Variants in DHRSX observed in about 807,000 individuals in gnomAD.
DHRSX encodes the protein dehydrogenase/reductase X-linked.
In DHRSX, 31 loss-of-function variants were observed where a neutral mutation model predicts 34.0. The observed-to-expected ratio is 0.91, with a 90% CI of 0.69 to 1.23. The LOEUF is 1.23. DHRSX is among the 50% of genes most tolerant of loss of function. DHRSX has a pLI of 0.00. For missense variants in DHRSX, 414 were observed against 428.1 expected, an observed-to-expected ratio of 0.97 and a Z score of 0.29; for synonymous variants, 201 against 183.8, an observed-to-expected ratio of 1.09 and a Z score of -0.76.
At chrX:2,228,723 C>T (rs2015795212) in intron 6 of DHRSX, among the ~76,000 whole-genome samples, 1 of 152,088 alleles carries the variant, frequency 6.6e-6, no homozygotes, top group South Asian at 2.1e-4. Context: ...GTCATTCAAA[C>T]CACGATTTCC....
chrX:2,380,050 A>C (rs1046832514), intron 3 of DHRSX, among the ~76,000 whole-genome samples: 23 of 152,196 alleles, frequency 1.5e-4, no homozygotes, highest in African/African-American at 5.5e-4. Context: ...TAATCCCAGC[A>C]CTTCGGGAGG....
At chrX:2,235,711 C>T (rs1247275811) in intron 6 of DHRSX, among the ~76,000 whole-genome samples, 3 of 138,144 alleles carry the variant, frequency 2.2e-5, no homozygotes, top group Non-Finnish European at 4.6e-5. Context: ...CCACTACACT[C>T]CAGCCTGGGC....
intron 1 of DHRSX, among the ~76,000 whole-genome samples, chrX:2,477,562 G>A (rs1207906979): frequency 6.6e-6 from 1 of 152,176 alleles, no homozygotes; most frequent in African/African-American, 2.4e-5. Flanking sequence ...AAAGAAAGGT[G>A]CGGCCAGGCG....
rs934167358 is a variant in DHRSX, at chrX:2,385,110, A to ATGTGTGTGTGTGTG, written c.286+23621_286+23634dup. ...GAGTGAGACTCCATCTCAAATATATATGTGTGTGTGTGTGTGTGTGTGTGT... is the reference window on the plus strand; with the variant it reads ...GAGTGAGACTCCATCTCAAATATATATGTGTGTGTGTGTGTGTGTGTGTGTGTGTGTGTGTGTGT... On this transcript the variant is annotated intron_variant, in intron 3 of 6. Transcript: ENST00000334651. Among the ~76,000 whole-genome samples, 1,319 of 146,576 alleles carry ATGTGTGTGTGTGTG rather than the reference A, an allele frequency of 9.0e-3. 18 individuals are homozygous for ATGTGTGTGTGTGTG. The highest frequency in any genetic ancestry group is 0.029 in the African/African-American group (1,147 of 39,182).
intron 1 of DHRSX, among the ~76,000 whole-genome samples, chrX:2,463,293 G>A (rs1352503426): frequency 6.6e-6 from 1 of 152,150 alleles, no homozygotes; most frequent in African/African-American, 2.4e-5. Context: ...TCCGGCCTGG[G>A]CGACACAGCA....
At chrX:2,394,043 C>G (rs1188013030) in intron 3 of DHRSX, among the ~76,000 whole-genome samples, 1 of 152,206 alleles carries the variant, frequency 6.6e-6, no homozygotes, top group African/African-American at 2.4e-5. Flanking sequence ...AGTTTCATGA[C>G]TGCTATGATT....
chrX:2,243,064 T>G lies in DHRSX; in HGVS notation c.763A>C (p.Thr255Pro). 6.2e-7 allele frequency: 1 copy of G among 1,613,108 alleles called. No individual in the cohort carries two copies. Among genetic ancestry groups the G allele is most frequent in the Non-Finnish European group, 8.5e-7 (1 of 1,179,530 alleles). The change falls in exon 6 of 7, where the codon ACC becomes CCC. Residue 255 changes from threonine to proline, a missense_variant. Coordinates refer to ENST00000334651, the MANE Select transcript of DHRSX (RefSeq NM_145177.3). ...CCGAGAAGCTTCTTCGCCAGACGGG[T>G]GGCCCAGAACACGTGCTTGTAGACG... ...TDVYKHVFWA[T>P]RLAKKLLGWL...
At chrX:2,366,116 C>T (rs957391259) in intron 3 of DHRSX, among the ~76,000 whole-genome samples, 11 of 152,116 alleles carry the variant, frequency 7.2e-5, no homozygotes, top group Admixed American at 5.2e-4. Flanking sequence ...CATACCCCTA[C>T]GACGGCTGAT....
rs189252468 is a variant in DHRSX, at chrX:2,267,732, C to T, written c.389-785G>A. 2.0e-4 allele frequency among the ~76,000 whole-genome samples: 30 copies of T among 152,046 alleles called. No individual in the cohort carries two copies. In the East Asian group the frequency reaches 3.5e-3, roughly 18 times the overall value. On this transcript the variant is annotated intron_variant, in intron 4 of 6. Coordinates refer to ENST00000334651, the MANE Select transcript of DHRSX (RefSeq NM_145177.3). Reference sequence around the variant, plus strand: ...TAGGTGAGTAGGGCAGACTGCTTGACGTCAGGAGTTCGAGACCAGGCTGTG... The same window carrying T: ...TAGGTGAGTAGGGCAGACTGCTTGATGTCAGGAGTTCGAGACCAGGCTGTG...
intron 3 of DHRSX, among the ~76,000 whole-genome samples, chrX:2,324,113 T>G (rs767705503): frequency 6.6e-6 from 1 of 152,018 alleles, no homozygotes; most frequent in South Asian, 2.1e-4. Flanking sequence ...TGCTTTGTAA[T>G]TAAAAGTAAT....
At chrX:2,467,986 G>C (rs1416938566) in intron 1 of DHRSX, among the ~76,000 whole-genome samples, 3 of 149,278 alleles carry the variant, frequency 2.0e-5, no homozygotes, top group Non-Finnish European at 4.4e-5. Flanking sequence ...AAAAATGTTG[G>C]ACCAAGAATG....
intron 3 of DHRSX, among the ~76,000 whole-genome samples, chrX:2,390,607 C>T (rs2043324570): frequency 6.6e-6 from 1 of 152,190 alleles, no homozygotes; most frequent in Non-Finnish European, 1.5e-5. Context: ...CAAATGGAAA[C>T]TCTGTTCCCA....
chrX:2,310,368 A>T (rs1224537555), intron 3 of DHRSX, among the ~76,000 whole-genome samples: 1 of 152,112 alleles, frequency 6.6e-6, no homozygotes, highest in African/African-American at 2.4e-5. Context: ...ATTTCTATAT[A>T]TTTATCAATT....
intron 1 of DHRSX, 69 bp downstream of exon 1, chrX:2,500,748 C>A: frequency 1.3e-6 from 1 of 781,376 alleles, no homozygotes; most frequent in African/African-American, 1.9e-5. Flanking sequence ...GCCCCCGCGC[C>A]CCCGCCCCCG....
intron 5 of DHRSX, among the ~76,000 whole-genome samples, chrX:2,259,341 G>GAT (rs1410755638): frequency 7.0e-6 from 1 of 143,270 alleles, no homozygotes; most frequent in African/African-American, 2.6e-5. Context: ...GATATATATA[G>GAT]ATATAGATAT....
chrX:2,397,157 CCTGA>C (rs1254525996), intron 3 of DHRSX, among the ~76,000 whole-genome samples: 13 of 151,916 alleles, frequency 8.6e-5, no homozygotes, highest in Non-Finnish European at 1.9e-4. Flanking sequence ...GCACACCACG[CCTGA>C]CTAATTTTTT....
At chrX:2,448,139 A>G (rs1349285755) in intron 1 of DHRSX, among the ~76,000 whole-genome samples, 3 of 150,720 alleles carry the variant, frequency 2.0e-5, no homozygotes, top group Non-Finnish European at 4.4e-5. Context: ...GGAATTCAAG[A>G]CCAGCCTGAG....
At chrX:2,460,502 CAGCCTCCTTGGGCTCA>C (rs1230228639) in intron 1 of DHRSX, among the ~76,000 whole-genome samples, 1 of 151,998 alleles carries the variant, frequency 6.6e-6, no homozygotes, top group Admixed American at 6.6e-5. Flanking sequence ...ATGGCAGCCT[CAGCCTCCTTGGGCTCA>C]AGCGATCCTT....
chrX:2,266,424 C>A (rs2041473021), intron 5 of DHRSX, among the ~76,000 whole-genome samples: 1 of 149,474 alleles, frequency 6.7e-6, no homozygotes, highest in African/African-American at 2.5e-5. Context: ...GAGCACTGTT[C>A]CCAGAGCACC....
Sources: allele counts gnomAD v4.1 joint callset (sites outside exome capture counted in the v4.1 genomes callset), GRCh38; gene constraint gnomAD v4.1.1; transcripts MANE v1.5; gene names NCBI Gene and HGNC (gene_info 2026-07-23, HGNC 2026-07-21).